Variants in MMP14 observed in about 807,000 individuals in gnomAD.
The protein encoded by MMP14 is matrix metallopeptidase 14.
In MMP14, 13 loss-of-function variants were observed where a neutral mutation model predicts 64.8. The observed-to-expected ratio is 0.20, with a 90% CI of 0.13 to 0.32. The LOEUF is 0.32. Among genes scored for constraint, MMP14 ranks in the 10% least tolerant of loss-of-function variants. The probability of loss-of-function intolerance (pLI) is 1.00; values close to 1 mark genes in which losing one functional copy is unlikely to be tolerated. For missense variants in MMP14, 594 were observed against 783.8 expected (o/e 0.76, Z 2.89); for synonymous variants, 322 against 315.9 (o/e 1.02, Z -0.20).
intron 1 of MMP14, among the ~76,000 whole-genome samples, chr14:22,840,545 G>A (rs1272511988): frequency 7.1e-6 from 1 of 140,482 alleles, no homozygotes; most frequent in Non-Finnish European, 1.5e-5. Flanking sequence ...GTCTTGCTTT[G>A]TCTCCCAGGC....
rs2236305 is a variant in MMP14 at position 22,843,660 on chromosome 14, G to A, written c.851-50G>A. Reference sequence around the variant, plus strand: ...TGTCTGCCCATCTGTCTGTCCTTCCGTCCCCGCCTCCTCCTAAGTCTGAAA... The same window carrying A: ...TGTCTGCCCATCTGTCTGTCCTTCCATCCCCGCCTCCTCCTAAGTCTGAAA... On this transcript the variant is annotated intron_variant, in intron 5 of 9. Transcript: ENST00000311852. This position sits in a 1 kb window ranked among gnomAD's most constrained non-coding sequence, Gnocchi z 4.8. 2.1e-5 allele frequency: 32 copies of A among 1,554,528 alleles called. No individual in the cohort carries two copies. Among genetic ancestry groups the A allele is most frequent in the South Asian group, 3.6e-5 (3 of 83,010 alleles).
rs1168823031 is a variant in MMP14, at chr14:22,845,350, C to G, written c.1401C>G (p.Phe467Leu). Residue 467 changes from phenylalanine to leucine, a missense_variant, in exon 9 of 10, where the codon TTC becomes TTG. By Grantham distance (22) the Phe-to-Leu change is conservative. Transcript: ENST00000311852. ...EGIPESPRGS[F>L]MGSDEVFTYF... ...TCCCTGAGTCTCCCAGAGGGTCATT[C>G]ATGGGCAGCGATGAAGGTGAGAGGG... is the stretch of plus-strand genomic sequence containing the variant. The G allele has an allele frequency of 2.5e-6, 4 of 1,608,880 alleles. No homozygotes were observed. Among genetic ancestry groups the G allele is most frequent in the Admixed American group, 3.4e-5 (2 of 59,460 alleles).
rs912309231 is a variant in MMP14 at position 22,847,576 on chromosome 14, T to G, written c.*1537T>G. 4.6e-5 allele frequency: 7 copies of G among 150,988 alleles called. No homozygotes were observed. The highest frequency in any genetic ancestry group is 8.8e-5 in the Non-Finnish European group (6 of 67,804). The allele number at this position is 150,988 out of a possible 1,614,324, so 9.4% of individuals were successfully genotyped here. On this transcript the variant is annotated 3_prime_UTR_variant, in exon 10 of 10. Transcript: ENST00000311852. ...TGTTTAATGTATATTTTTATTATAA[T>G]TATTATATATGAATTCCATTCAAAT...
Position 22,846,270 on chromosome 14 carries a change from C to T in MMP14, c.*231C>T. Reference sequence around the variant, plus strand: ...CCCTGAGGGCTGAGTGGGAGGGCGGCCCTTTCCAGCCTCTGCCCCTCAGGG... The same window carrying T: ...CCCTGAGGGCTGAGTGGGAGGGCGGTCCTTTCCAGCCTCTGCCCCTCAGGG... On this transcript the variant is annotated 3_prime_UTR_variant, in exon 10 of 10. Coordinates refer to ENST00000311852, the MANE Select transcript of MMP14 (RefSeq NM_004995.4). The T allele has an allele frequency of 1.9e-6, 1 of 521,302 alleles. No homozygotes were observed. The highest frequency in any genetic ancestry group is 3.4e-6 in the Non-Finnish European group (1 of 297,644). 32.3% of individuals were successfully genotyped at this position (521,302 alleles called of 1,614,324 possible). A position where few individuals can be genotyped will look rare whatever the true frequency, so the allele number is the denominator to read the frequency against.
In MMP14 at chr14:22,846,143, TC is replaced by T; in HGVS notation, c.*108del. 2 of 1,128,276 alleles carry T rather than the reference TC, an allele frequency of 1.8e-6. No individual in the cohort carries two copies. The highest frequency in any genetic ancestry group is 2.4e-6 in the Non-Finnish European group (2 of 821,174). The allele number at this position is 1,128,276 out of a possible 1,614,324, so 69.9% of individuals were successfully genotyped here. A position where few individuals can be genotyped will look rare whatever the true frequency, so the allele number is the denominator to read the frequency against. Reference sequence around the variant, plus strand: ...GCTGTTCCCATCGTCCCGAGCCCCCTCCCCGCAGCCTCCTTGCTTCTCTCTG... The same window carrying T: ...GCTGTTCCCATCGTCCCGAGCCCCCTCCCGCAGCCTCCTTGCTTCTCTCTG... On this transcript the variant is annotated 3_prime_UTR_variant, in exon 10 of 10. Coordinates refer to ENST00000311852, the MANE Select transcript of MMP14 (RefSeq NM_004995.4).
At position 22,843,668 on chromosome 14, in the gene MMP14, C is replaced by T. The variant is rs754486925; in HGVS notation, c.851-42C>T. On this transcript the variant is annotated intron_variant, in intron 5 of 9. Transcript: ENST00000311852. This position sits in a 1 kb window ranked among gnomAD's most constrained non-coding sequence, Gnocchi z 4.8. Reference sequence around the variant, plus strand: ...CATCTGTCTGTCCTTCCGTCCCCGCCTCCTCCTAAGTCTGAAATGCCCCTC... The same window carrying T: ...CATCTGTCTGTCCTTCCGTCCCCGCTTCCTCCTAAGTCTGAAATGCCCCTC... The T allele has an allele frequency of 2.6e-6, 4 of 1,565,636 alleles. No homozygotes were observed. The Admixed American group carries it at 6.0e-5, about 24-fold the overall frequency.
Position 22,843,397 on chromosome 14 carries a change from C to A in MMP14, c.829C>A (p.Arg277=). 1 of 1,613,706 alleles carries A rather than the reference C, an allele frequency of 6.2e-7. No homozygotes were observed. The highest frequency in any genetic ancestry group is 8.5e-7 in the Non-Finnish European group (1 of 1,179,852). ...ENFVLPDDDR[R]GIQQLYGGES... ...TTTTGTGCTGCCCGATGATGACCGC[C>A]GGGGCATCCAGCAACTTTATGGCGA... Residue 277 remains arginine, a synonymous_variant, in exon 5 of 10, where the codon CGG becomes AGG. Transcript: ENST00000311852. This position sits in a 1 kb window ranked among gnomAD's most constrained non-coding sequence, Gnocchi z 4.8.
intron 1 of MMP14, among the ~76,000 whole-genome samples, chr14:22,837,779 AC>A (rs2039745662): frequency 6.6e-6 from 1 of 151,856 alleles, no homozygotes. Flanking sequence ...CCCCACCCTC[AC>A]CCCGGCCCAG....
intron 7 of MMP14, 55 bp from the exon 8 acceptor site, chr14:22,844,575 C>G: frequency 6.2e-7 from 1 of 1,613,468 alleles, no homozygotes; most frequent in East Asian, 2.2e-5. Context: ...CTGATTTCCT[C>G]TAAAGTCCCT....
intron 1 of MMP14, chr14:22,837,519 C>A: frequency 2.6e-6 from 1 of 383,376 alleles, no homozygotes; most frequent in South Asian, 1.9e-5. Flanking sequence ...TCCCTACCCG[C>A]ATCCCTGGCG....
At position 22,836,785 on chromosome 14, in the gene MMP14, C is replaced by T; in HGVS notation, c.-33C>T. 6.8e-7 allele frequency: 1 copy of T among 1,462,260 alleles called. No homozygotes were observed. Among genetic ancestry groups the T allele is most frequent in the Non-Finnish European group, 9.4e-7 (1 of 1,068,658 alleles). 90.6% of individuals were successfully genotyped at this position (1,462,260 alleles called of 1,614,324 possible). ...AGGGCGTGGGCCCGGCCGCGGAGCC[C>T]ACACTGCCCGGCTGACCCGGTGGTC... is the stretch of plus-strand genomic sequence containing the variant. On this transcript the variant is annotated 5_prime_UTR_variant, in exon 1 of 10. Transcript: ENST00000311852.
At chr14:22,845,486 A>G in intron 9 of MMP14, 120 bp downstream of exon 9, 1 of 870,072 alleles carries the variant, frequency 1.1e-6, no homozygotes, top group South Asian at 1.7e-5. Flanking sequence ...AATACCACAT[A>G]CCAGGCGCTG....
chr14:22,844,832 C>A, intron 8 of MMP14, 52 bp downstream of exon 8: 1 of 1,608,422 alleles, frequency 6.2e-7, no homozygotes, highest in South Asian at 1.1e-5. Context: ...CACCACCACC[C>A]CAAATTCCCT....
At chr14:22,844,876 A>G in intron 8 of MMP14, 96 bp downstream of exon 8, 1 of 1,519,644 alleles carries the variant, frequency 6.6e-7, no homozygotes. Flanking sequence ...TACCCCCAAC[A>G]TGCTTCCCTG....
chr14:22,837,362 C>G (rs1255721557), intron 1 of MMP14: 1 of 456,806 alleles, frequency 2.2e-6, no homozygotes, highest in Admixed American at 2.3e-5. Flanking sequence ...CAGCGCTCTC[C>G]CGCCGGCGCG....
chr14:22,843,721 G>C lies in MMP14; in HGVS notation c.862G>C (p.Gly288Arg), dbSNP rs759559465. 3 of 1,590,720 alleles carry C rather than the reference G, an allele frequency of 1.9e-6. No homozygotes were observed. The highest frequency in any genetic ancestry group is 2.6e-6 in the Non-Finnish European group (3 of 1,173,798). Residue 288 changes from glycine to arginine, a missense_variant, in exon 6 of 10, where the codon GGG (glycine) becomes CGG (arginine). Coordinates refer to ENST00000311852, the MANE Select transcript of MMP14 (RefSeq NM_004995.4). The surrounding 1 kb of genome is among the most constrained non-coding windows in gnomAD (Gnocchi z 4.8). ...GIQQLYGGES[G>R]FPTKMPPQPR... is the part of the protein sequence containing the mutation. ...GTTTTCTGCCCCAGGGGGTGAGTCA[G>C]GGTTCCCCACCAAGATGCCCCCTCA...
In MMP14 at chr14:22,842,859, C is replaced by G; in HGVS notation, c.688+142C>G. 1.1e-6 allele frequency: 1 copy of G among 892,910 alleles called. No individual in the cohort carries two copies. Among genetic ancestry groups the G allele is most frequent in the Admixed American group, 2.9e-5 (1 of 33,964 alleles). The allele number at this position is 892,910 out of a possible 1,614,324, so 55.3% of individuals were successfully genotyped here. A position where few individuals can be genotyped will look rare whatever the true frequency, so the allele number is the denominator to read the frequency against. ...TCTAACTTCTGACAAAAGCAGGAGT[C>G]CTGTTTGAGCTATTTACATCTGGTC... is the stretch of plus-strand genomic sequence containing the variant. On this transcript the variant is annotated intron_variant, in intron 4 of 9. Transcript: ENST00000311852. The surrounding 1 kb of genome is among the most constrained non-coding windows in gnomAD (Gnocchi z 5.3).
In MMP14 at chr14:22,843,660, G is replaced by T. The variant is rs2236305; in HGVS notation, c.851-50G>T. 0.2 allele frequency: 309,751 copies of T among 1,548,472 alleles called. 32,569 individuals carry two copies. Among genetic ancestry groups the T allele is most frequent in the East Asian group, 0.38 (16,730 of 43,946 alleles). ...TGTCTGCCCATCTGTCTGTCCTTCC[G>T]TCCCCGCCTCCTCCTAAGTCTGAAA... On this transcript the variant is annotated intron_variant, in intron 5 of 9. Coordinates refer to ENST00000311852, the MANE Select transcript of MMP14 (RefSeq NM_004995.4). This position sits in a 1 kb window ranked among gnomAD's most constrained non-coding sequence, Gnocchi z 4.8.
At chr14:22,840,943 C>G (rs7143486) in intron 1 of MMP14, among the ~76,000 whole-genome samples, 15 of 152,220 alleles carry the variant, frequency 9.9e-5, no homozygotes, top group African/African-American at 3.4e-4. Flanking sequence ...AGTTTCCCCT[C>G]GTAGCAGCCA....
Sources: allele counts gnomAD v4.1 joint callset (sites outside exome capture counted in the v4.1 genomes callset), GRCh38; gene constraint gnomAD v4.1.1; non-coding constraint Gnocchi (gnomAD v3.1); transcripts MANE v1.5; gene names NCBI Gene and HGNC (gene_info 2026-07-23, HGNC 2026-07-21).